ACSF3: variants seen among roughly 807,000 people sequenced by gnomAD.
ACSF3 encodes the protein acyl-CoA synthetase family member 3, also known as malonate--CoA ligase ACSF3, mitochondrial.
A neutral mutation model predicts 53.2 loss-of-function variants in ACSF3; 78 were observed. The ratio of observed to expected loss-of-function variants is 1.47; its 90% CI spans 1.22 to 1.77. The LOEUF (loss-of-function observed/expected upper bound fraction) is 1.77, where lower values mean the gene tolerates loss of function less well. Ranked by LOEUF, ACSF3 falls within the 40% of genes most tolerant of loss-of-function variation. The pLI is 0.00. For missense variants in ACSF3, 937 were observed against 771.1 expected (o/e 1.22, Z -2.55); for synonymous variants, 414 against 333.1 (o/e 1.24, Z -2.65).
rs1035535661 is a variant in ACSF3 at position 89,112,335 on chromosome 16, C to T, written c.977+89C>T. 3.9e-6 allele frequency: 6 copies of T among 1,543,918 alleles called. No homozygotes were observed. In the African/African-American group the frequency reaches 6.8e-5, roughly 18 times the overall value. On this transcript the variant is annotated intron_variant, in intron 5 of 10. Coordinates refer to ENST00000614302, the MANE Select transcript of ACSF3 (RefSeq NM_001243279.3). Reference sequence around the variant, plus strand: ...TCTAATAAATCACTCCTACTAAGTTCTGGGAAGCAGTGCTTTCCATTTCCT... The same window carrying T: ...TCTAATAAATCACTCCTACTAAGTTTTGGGAAGCAGTGCTTTCCATTTCCT...
intron 4 of ACSF3, among the ~76,000 whole-genome samples, chr16:89,107,334 C>A (rs1186895314): frequency 1.3e-5 from 2 of 152,196 alleles, no homozygotes; most frequent in Non-Finnish European, 2.9e-5. Flanking sequence ...CTGCTCCCTG[C>A]CCCTCAGCCT....
intron 7 of ACSF3, among the ~76,000 whole-genome samples, chr16:89,121,707 C>T (rs956857543): frequency 6.6e-6 from 1 of 152,234 alleles, no homozygotes; most frequent in Non-Finnish European, 1.5e-5. Flanking sequence ...ATTTCCTTCT[C>T]TGTGACACCA....
chr16:89,140,140 C>T (rs1911462537), intron 8 of ACSF3, among the ~76,000 whole-genome samples: 1 of 152,246 alleles, frequency 6.6e-6, no homozygotes, highest in South Asian at 2.1e-4. Flanking sequence ...CTCCAGTGTC[C>T]ACGGGCACCT....
chr16:89,153,281 C>T (rs1914325878), intron 10 of ACSF3: 1 of 153,054 alleles, frequency 6.5e-6, no homozygotes, highest in African/African-American at 2.4e-5. Flanking sequence ...GCACAACCAT[C>T]CTCCCTTTGG....
rs1436699041 is a variant in ACSF3 at position 89,145,552 on chromosome 16, G to T, written c.1501+151G>T. 4.8e-6 allele frequency: 5 copies of T among 1,044,310 alleles called. No homozygotes were observed. The African/African-American group carries it at 8.0e-5, about 17-fold the overall frequency. The allele number at this position is 1,044,310 out of a possible 1,614,324, so 64.7% of individuals were successfully genotyped here. ...ACCTCTGGTCCCTGCCCTGGCCAGG[G>T]AACATGGGGCTAGTGGGGGTGCAGC... On this transcript the variant is annotated intron_variant, in intron 9 of 10. Coordinates refer to ENST00000614302, the MANE Select transcript of ACSF3 (RefSeq NM_001243279.3).
chr16:89,100,695 T>C lies in ACSF3; in HGVS notation c.14T>C (p.Val5Ala), dbSNP rs2151404778. The C allele has an allele frequency of 6.5e-7, 1 of 1,542,134 alleles. No individual in the cohort carries two copies. MLPH[V>A]VLTFRRLGCA... Reference sequence around the variant, plus strand: ...CCTGTCAGTGCAATGCTGCCCCATGTGGTGCTCACCTTCCGGCGCCTGGGC... The same window carrying C: ...CCTGTCAGTGCAATGCTGCCCCATGCGGTGCTCACCTTCCGGCGCCTGGGC... The change falls in exon 3 of 11, where the codon GTG (valine) becomes GCG (alanine). Residue 5 changes from valine to alanine, a missense_variant. Transcript: ENST00000614302.
chr16:89,145,454 C>T, intron 9 of ACSF3, 53 bp downstream of exon 9: 1 of 1,606,636 alleles, frequency 6.2e-7, no homozygotes, highest in East Asian at 2.2e-5. Flanking sequence ...TGCTGCCTTC[C>T]ATGTTTGAGT....
Position 89,150,755 on chromosome 16 carries a change from C to G in ACSF3, c.1614-3335C>G, listed in dbSNP as rs1338991011. On this transcript the variant is annotated intron_variant, in intron 10 of 10. Transcript: ENST00000614302. ...CGCCAGTCCTGCAGGAGCCCTGGAGCCAGGCCCTTGCTGTCCAGGCCACTT... is the reference window on the plus strand; with the variant it reads ...CGCCAGTCCTGCAGGAGCCCTGGAGGCAGGCCCTTGCTGTCCAGGCCACTT... The G allele has an allele frequency of 3.2e-5, 11 of 348,920 alleles. No individual in the cohort carries two copies. The Admixed American group carries it at 4.3e-4, about 14-fold the overall frequency. 21.6% of individuals were successfully genotyped at this position (348,920 alleles called of 1,614,324 possible).
Position 89,145,386 on chromosome 16 carries a change from C to T in ACSF3, c.1486C>T (p.His496Tyr), listed in dbSNP as rs529097844. 1 of 1,614,140 alleles carries T rather than the reference C, an allele frequency of 6.2e-7. No homozygotes were observed. Among genetic ancestry groups the T allele is most frequent in the South Asian group, 1.1e-5 (1 of 91,086 alleles). The part of the protein sequence containing the change: ...ALEVEWHLLA[H>Y]PSITDVAVIG... ...GGAGGTGGAGTGGCACCTGCTGGCC[C>T]ACCCCAGCATCACAGGTGCGTGGCC... The change falls in exon 9 of 11, where the codon CAC (histidine) becomes TAC (tyrosine). Residue 496 changes from histidine to tyrosine, a missense_variant. Coordinates refer to ENST00000614302, the MANE Select transcript of ACSF3 (RefSeq NM_001243279.3).
intron 8 of ACSF3, chr16:89,140,953 AGGACATACACAGCCCATT>A: frequency 1.4e-6 from 1 of 722,182 alleles, no homozygotes; most frequent in South Asian, 1.8e-5. Flanking sequence ...CATCAGGCCG[AGGACATACACAGCCCATT>A]GGCAGCCGAC....
intron 10 of ACSF3, chr16:89,153,806 C>T: frequency 4.2e-6 from 2 of 481,778 alleles, no homozygotes; most frequent in Non-Finnish European, 3.8e-6. Context: ...CCACTCTGTG[C>T]AGGCCTATCC....
At chr16:89,133,001 C>A in intron 7 of ACSF3, 135 bp from the exon 8 acceptor site, 2 of 1,316,186 alleles carry the variant, frequency 1.5e-6, no homozygotes, top group Non-Finnish European at 1.1e-6. Context: ...AGCATTCCAA[C>A]AAAGCGCTCA....
rs144681140 is a variant in ACSF3 at position 89,145,306 on chromosome 16, G to C, written c.1406G>C (p.Arg469Pro). The change falls in exon 9 of 11, where the codon CGA becomes CCA. Residue 469 changes from arginine to proline, a missense_variant. Coordinates refer to ENST00000614302, the MANE Select transcript of ACSF3 (RefSeq NM_001243279.3). Reference sequence around the variant, plus strand: ...TTTAAGGATGGCCAGTACTGGATCCGAGGCCGGACCTCAGTGGACATCATC... The same window carrying C: ...TTTAAGGATGGCCAGTACTGGATCCCAGGCCGGACCTCAGTGGACATCATC... ...VVFKDGQYWI[R>P]GRTSVDIIKT... 4 of 1,613,964 alleles carry C rather than the reference G, an allele frequency of 2.5e-6. No homozygotes were observed. Among genetic ancestry groups the C allele is most frequent in the South Asian group, 2.2e-5 (2 of 91,084 alleles).
At chr16:89,096,399 T>C (rs985284474) in intron 1 of ACSF3, among the ~76,000 whole-genome samples, 1 of 152,232 alleles carries the variant, frequency 6.6e-6, no homozygotes, top group Non-Finnish European at 1.5e-5. Flanking sequence ...CCGGGAGGTG[T>C]GCAGGAAGAC....
intron 7 of ACSF3, among the ~76,000 whole-genome samples, chr16:89,127,990 A>G (rs1389348712): frequency 6.6e-6 from 1 of 151,844 alleles, no homozygotes; most frequent in Non-Finnish European, 1.5e-5. Context: ...CTAGAAGTTT[A>G]TCTGTTTTAT....
chr16:89,112,857 C>T (rs1904313945), intron 5 of ACSF3, among the ~76,000 whole-genome samples: 1 of 152,252 alleles, frequency 6.6e-6, no homozygotes, highest in African/African-American at 2.4e-5. Flanking sequence ...TGCAGTCTCT[C>T]TGCCTTCGTG....
chr16:89,137,168 C>T (rs903896960), intron 8 of ACSF3, among the ~76,000 whole-genome samples: 2 of 152,170 alleles, frequency 1.3e-5, no homozygotes, highest in Non-Finnish European at 2.9e-5. Context: ...GGGTGAATGG[C>T]GTCTTAGGCT....
At chr16:89,108,899 T>G (rs1976339446) in intron 4 of ACSF3, among the ~76,000 whole-genome samples, 1 of 152,082 alleles carries the variant, frequency 6.6e-6, no homozygotes, top group South Asian at 2.1e-4. Context: ...GGGATAGAAT[T>G]GATGGGTTGT....
intron 4 of ACSF3, among the ~76,000 whole-genome samples, chr16:89,107,379 A>C (rs1402539112): frequency 2.6e-5 from 4 of 151,866 alleles, no homozygotes; most frequent in Non-Finnish European, 4.4e-5. Context: ...CCGCCTCAGC[A>C]CCATCCTGCT....
Sources: gnomAD v4.1 joint callset for allele counts (sites outside exome capture counted in the v4.1 genomes callset) on GRCh38, gnomAD v4.1.1 for gene constraint, MANE v1.5 for transcripts, NCBI Gene and HGNC (gene_info 2026-07-23, HGNC 2026-07-21) for gene names.